ACO2: variants seen among roughly 807,000 people sequenced by gnomAD.
ACO2 encodes the protein aconitase 2.
Under a neutral mutation model 84.5 loss-of-function variants are expected in ACO2, and 31 were observed. The observed-to-expected ratio is 0.37, with a 90% CI of 0.28 to 0.50. ACO2 has a LOEUF of 0.50. ACO2 is among the 20% of genes least tolerant of loss of function. The pLI, the probability that ACO2 is intolerant of heterozygous loss-of-function variation, is 0.97. For synonymous variants in ACO2, 414 were observed against 412.7 expected, an observed-to-expected ratio of 1.00 and a Z score of -0.04; for missense variants, 685 against 1,029.3, an observed-to-expected ratio of 0.67 and a Z score of 4.58.
At chr22:41,498,242 T>C (rs1601899743) in intron 1 of ACO2, among the ~76,000 whole-genome samples, 1 of 151,862 alleles carries the variant, frequency 6.6e-6, no homozygotes, top group Non-Finnish European at 1.5e-5. Flanking sequence ...AAGTCAGGAG[T>C]TTCAGACTGC....
At chr22:41,484,015 G>T (rs879926781) in intron 1 of ACO2, among the ~76,000 whole-genome samples, 5 of 152,198 alleles carry the variant, frequency 3.3e-5, no homozygotes, top group African/African-American at 9.7e-5. Flanking sequence ...TGTCGTAGCC[G>T]ATGGAGAGTT....
At chr22:41,478,121 A>G (rs1253878595) in intron 1 of ACO2, among the ~76,000 whole-genome samples, 1 of 151,968 alleles carries the variant, frequency 6.6e-6, no homozygotes, top group Non-Finnish European at 1.5e-5. Flanking sequence ...ATCTCCCCAG[A>G]TAGCAGGTAA....
intron 1 of ACO2, among the ~76,000 whole-genome samples, chr22:41,489,084 G>A (rs1442221239): frequency 2.6e-5 from 4 of 151,984 alleles, no homozygotes; most frequent in Non-Finnish European, 2.9e-5. Flanking sequence ...TGTGGTCCAG[G>A]CTGGAGTGCA....
At chr22:41,524,124 A>G (rs1252800488) in intron 12 of ACO2, among the ~76,000 whole-genome samples, 183 bp downstream of exon 12, 1 of 152,124 alleles carries the variant, frequency 6.6e-6, no homozygotes, top group African/African-American at 2.4e-5. Context: ...TCATGGGATT[A>G]TGAGATATTT....
chr22:41,522,905 C>T lies in ACO2; in HGVS notation c.1214C>T (p.Ala405Val). Residue 405 changes from alanine to valine, a missense_variant, in exon 10 of 18, where the codon GCC becomes GTC. Physicochemically the swap from Ala to Val is moderately conservative, Grantham distance 64. Coordinates refer to ENST00000216254, the MANE Select transcript of ACO2 (RefSeq NM_001098.3). ...GCAGCTGTGGCCAAGCAGGCACTGG[C>T]CCATGGCCTCAAGTGCAAGTCCCAG... ...RSAAVAKQAL[A>V]HGLKCKSQFT... The T allele has an allele frequency of 6.2e-7, 1 of 1,614,204 alleles. No individual in the cohort carries two copies. The highest frequency in any genetic ancestry group is 1.1e-5 in the South Asian group (1 of 91,090).
chr22:41,494,781 T>G (rs958439232), intron 1 of ACO2, among the ~76,000 whole-genome samples: 6 of 151,886 alleles, frequency 4.0e-5, no homozygotes, highest in Non-Finnish European at 7.4e-5. Context: ...TCACCCAGGC[T>G]GGAGTGCAAT....
At position 41,524,936 on chromosome 22, in the gene ACO2, G is replaced by C; in HGVS notation, c.1573G>C (p.Glu525Gln). ...TGTDGKKFRL[E>Q]APDADELPKG... ...CACGGATGGCAAGAAGTTCAGGCTG[G>C]AGGCTCCGGATGCAGATGAGCTTCC... is the stretch of plus-strand genomic sequence containing the variant. Residue 525 changes from glutamate (E) to glutamine (Q), a missense_variant, in exon 13 of 18, where the codon GAG becomes CAG. By Grantham distance (29) the Glu-to-Gln change is conservative. Coordinates refer to ENST00000216254, the MANE Select transcript of ACO2 (RefSeq NM_001098.3). 6.2e-7 allele frequency: 1 copy of C among 1,614,204 alleles called. No homozygotes were observed. The highest frequency in any genetic ancestry group is 8.5e-7 in the Non-Finnish European group (1 of 1,180,038).
intron 14 of ACO2, among the ~76,000 whole-genome samples, 198 bp downstream of exon 14, chr22:41,525,546 G>T (rs5996035): frequency 6.6e-6 from 1 of 152,236 alleles, no homozygotes; most frequent in African/African-American, 2.4e-5. Context: ...CCCGAACTGG[G>T]CAGAGCTAGA....
intron 1 of ACO2, among the ~76,000 whole-genome samples, chr22:41,477,643 A>T (rs2038034691): frequency 6.6e-6 from 1 of 152,088 alleles, no homozygotes; most frequent in Admixed American, 6.6e-5. Context: ...GATTGTGTGG[A>T]TAAAGTACTT....
chr22:41,519,615 C>T (rs2066505684), intron 8 of ACO2, among the ~76,000 whole-genome samples: 1 of 151,948 alleles, frequency 6.6e-6, no homozygotes, highest in Non-Finnish European at 1.5e-5. Flanking sequence ...ACCATCCTGG[C>T]TAATGTGATG....
At chr22:41,481,892 C>T (rs1038863096) in intron 1 of ACO2, among the ~76,000 whole-genome samples, 2 of 151,636 alleles carry the variant, frequency 1.3e-5, no homozygotes, top group Non-Finnish European at 2.9e-5. Flanking sequence ...ATTTTTTGTC[C>T]CCATGGAGCT....
At chr22:41,506,954 G>A (rs970400861) in intron 2 of ACO2, among the ~76,000 whole-genome samples, 3 of 152,010 alleles carry the variant, frequency 2.0e-5, no homozygotes, top group Non-Finnish European at 4.4e-5. Context: ...GCCTGGCAGG[G>A]AGAGTGGACC....
chr22:41,523,236 T>A lies in ACO2; in HGVS notation c.1328T>A (p.Val443Asp). 1 of 1,613,196 alleles carries A rather than the reference T, an allele frequency of 6.2e-7. No homozygotes were observed. Among genetic ancestry groups the A allele is most frequent in the Non-Finnish European group, 8.5e-7 (1 of 1,179,492 alleles). The change falls in exon 11 of 18, where the codon GTC (valine) becomes GAC (aspartate). Residue 443 changes from valine to aspartate, a missense_variant. Physicochemically the swap from Val to Asp is radical, Grantham distance 152 (BLOSUM62 -3). This residue lies in a region of ACO2 where 311 missense variants were observed against 441.6 expected (regional missense o/e 0.70). Transcript: ENST00000216254. ...AQILRDLGGI[V>D]LANACGPCIG... ...ATCTTGAGGGATCTGGGTGGCATTG[T>A]CCTGGCCAATGCTTGTGGCCCCTGC...
intron 11 of ACO2, among the ~76,000 whole-genome samples, 187 bp downstream of exon 11, chr22:41,523,465 T>G (rs2066544334): frequency 6.6e-6 from 1 of 152,184 alleles, no homozygotes; most frequent in African/African-American, 2.4e-5. Context: ...GGAAGGGCCC[T>G]GCAGAGGCAC....
intron 1 of ACO2, among the ~76,000 whole-genome samples, chr22:41,488,248 A>G (rs1033697440): frequency 2.0e-5 from 3 of 152,204 alleles, no homozygotes; most frequent in South Asian, 4.1e-4. Context: ...CAGGTGCGCT[A>G]TAGCAGATGG....
intron 2 of ACO2, among the ~76,000 whole-genome samples, chr22:41,504,881 GC>G (rs2146112208): frequency 6.6e-6 from 1 of 151,876 alleles, no homozygotes; most frequent in East Asian, 1.9e-4. Context: ...ATGCCACCAT[GC>G]CTGGCTTCTT....
At chr22:41,523,123 T>C in intron 10 of ACO2, 82 bp from the exon 11 acceptor site, 1 of 1,537,504 alleles carries the variant, frequency 6.5e-7, no homozygotes, top group Non-Finnish European at 8.9e-7. Flanking sequence ...AGTACAGCAC[T>C]TCGTCCTGCA....
At chr22:41,495,800 A>G (rs928825904) in intron 1 of ACO2, among the ~76,000 whole-genome samples, 3 of 149,670 alleles carry the variant, frequency 2.0e-5, no homozygotes, top group African/African-American at 7.4e-5. Context: ...ACGGGGTTTC[A>G]CCGTGTTAGC....
chr22:41,521,965 G>A (rs1289198237), intron 9 of ACO2, among the ~76,000 whole-genome samples: 1 of 152,088 alleles, frequency 6.6e-6, no homozygotes, highest in East Asian at 1.9e-4. Context: ...AGAGATGGGG[G>A]TTTCACTGTG....
Sources: allele counts gnomAD v4.1 joint callset (sites outside exome capture counted in the v4.1 genomes callset), GRCh38; gene constraint gnomAD v4.1.1; regional missense constraint gnomAD v4.1.1; transcripts MANE v1.5; gene names NCBI Gene and HGNC (gene_info 2026-07-23, HGNC 2026-07-21).